The following NOX4 variants were observed in gnomAD, a reference collection of about 807,000 sequenced individuals.
The protein encoded by NOX4 is NADPH oxidase 4.
A neutral mutation model predicts 87.6 loss-of-function variants in NOX4; 69 were observed. The observed-to-expected ratio is 0.79, with a 90% CI of 0.65 to 0.96. The LOEUF (loss-of-function observed/expected upper bound fraction) is 0.96, where lower values mean the gene tolerates loss of function less well. Ranked by LOEUF, NOX4 falls within the 40% of genes least tolerant of loss-of-function variation. The pLI, the probability that NOX4 is intolerant of heterozygous loss-of-function variation, is 0.00. For synonymous variants in NOX4, 275 were observed against 238.2 expected (o/e 1.15, Z -1.42); for missense variants, 680 against 681.5 (o/e 1.00, Z 0.02).
At chr11:89,434,258 T>A (rs1182500205) in intron 6 of NOX4, among the ~76,000 whole-genome samples, 1 of 152,036 alleles carries the variant, frequency 6.6e-6, no homozygotes, top group Non-Finnish European at 1.5e-5. Flanking sequence ...GAAACAAATT[T>A]CACTTATAAA....
the NOX4 span, among the ~76,000 whole-genome samples, chr11:89,506,133 A>G: frequency 6.6e-6 from 1 of 151,780 alleles, no homozygotes; most frequent in East Asian, 1.9e-4. Context: ...ATTTGTGACA[A>G]TGTTTAATGT....
At chr11:89,542,727 G>A in the NOX4 span, among the ~76,000 whole-genome samples, 2 of 152,162 alleles carry the variant, frequency 1.3e-5, no homozygotes, top group Non-Finnish European at 2.9e-5. Context: ...CATGCAATGA[G>A]CATCGCATCC....
intron 13 of NOX4, among the ~76,000 whole-genome samples, chr11:89,352,668 A>G (rs551244090): frequency 6.6e-6 from 1 of 152,348 alleles, no homozygotes; most frequent in Admixed American, 6.5e-5. Flanking sequence ...AACTACAAAC[A>G]TAGTATAAAT....
intron 8 of NOX4, among the ~76,000 whole-genome samples, chr11:89,408,793 T>C (rs1942321634): frequency 6.6e-6 from 1 of 152,200 alleles, no homozygotes; most frequent in Non-Finnish European, 1.5e-5. Context: ...AAGACCCTGC[T>C]ATTGGTTTAC....
At chr11:89,423,532 T>C (rs144653666) in intron 7 of NOX4, among the ~76,000 whole-genome samples, 220 of 152,274 alleles carry the variant, frequency 1.4e-3, no homozygotes, top group Middle Eastern at 6.8e-3. Context: ...GTCCCTTGGT[T>C]CAATGTGTTA....
chr11:89,429,855 A>G (rs1352244524), intron 7 of NOX4, among the ~76,000 whole-genome samples: 2 of 152,156 alleles, frequency 1.3e-5, no homozygotes, highest in African/African-American at 4.8e-5. Context: ...CTCATTTTAT[A>G]AGGCCAGCAT....
At chr11:89,433,673 G>T (rs1441691757) in intron 6 of NOX4, among the ~76,000 whole-genome samples, 1 of 152,196 alleles carries the variant, frequency 6.6e-6, no homozygotes, top group South Asian at 2.1e-4. Flanking sequence ...CAATGTTGAT[G>T]TTTTAAAAAT....
intron 2 of NOX4, among the ~76,000 whole-genome samples, chr11:89,489,307 C>A (rs1946751850): frequency 6.6e-6 from 1 of 151,948 alleles, no homozygotes; most frequent in Admixed American, 6.6e-5. Context: ...GTCATTAAAC[C>A]ATGAAAAAAA....
chr11:89,538,298 T>C, the NOX4 span, among the ~76,000 whole-genome samples: 1 of 152,226 alleles, frequency 6.6e-6, no homozygotes, highest in African/African-American at 2.4e-5. Flanking sequence ...AGCAGGTTAA[T>C]CTGATAAGAG....
intron 7 of NOX4, among the ~76,000 whole-genome samples, chr11:89,426,746 C>A (rs1943441290): frequency 6.6e-6 from 1 of 152,110 alleles, no homozygotes; most frequent in Admixed American, 6.5e-5. Context: ...GGGTGGAGCC[C>A]ACCACAGCTC....
chr11:89,394,467 G>C (rs1279101142), intron 11 of NOX4, among the ~76,000 whole-genome samples: 1 of 151,858 alleles, frequency 6.6e-6, no homozygotes, highest in Non-Finnish European at 1.5e-5. Context: ...TCAAAATAAA[G>C]TTGCCAACAC....
intron 2 of NOX4, among the ~76,000 whole-genome samples, chr11:89,470,278 A>G (rs12364595): frequency 0.45 from 68,900 of 151,860 alleles, 15,778 homozygotes; most frequent in East Asian, 0.52. Flanking sequence ...ATGGCTTCCT[A>G]CAAATCTCCA....
intron 7 of NOX4, among the ~76,000 whole-genome samples, chr11:89,429,374 G>A (rs1422070001): frequency 2.6e-5 from 4 of 151,946 alleles, no homozygotes; most frequent in African/African-American, 9.7e-5. Context: ...AAGAACTGAA[G>A]GAGACAGAGA....
chr11:89,449,408 AC>A, intron 4 of NOX4, 31 bp downstream of exon 4: 1 of 1,478,100 alleles, frequency 6.8e-7, no homozygotes, highest in Non-Finnish European at 9.4e-7. Flanking sequence ...TGTAATTCTA[AC>A]AAATTATTTA....
chr11:89,494,667 T>G (rs1946928729), upstream of NOX4, among the ~76,000 whole-genome samples: 1 of 152,150 alleles, frequency 6.6e-6, no homozygotes, highest in Admixed American at 6.5e-5. Context: ...TCCAGTAATA[T>G]AAAAATAGTT....
In NOX4 at chr11:89,324,396, G is replaced by C. The variant is rs951194013; in HGVS notation, c.*2360C>G. 2.0e-5 allele frequency: 3 copies of C among 152,118 alleles called. No individual in the cohort carries two copies. Among genetic ancestry groups the C allele is most frequent in the Admixed American group, 1.3e-4 (2 of 15,270 alleles). 9.4% of individuals were successfully genotyped at this position (152,118 alleles called of 1,614,324 possible). ...TTGCTACTAAAATTAGTGATTTAAGGCTTGTATTATAAGAATGATCCCCAG... is the reference window on the plus strand; with the variant it reads ...TTGCTACTAAAATTAGTGATTTAAGCCTTGTATTATAAGAATGATCCCCAG... On this transcript the variant is annotated 3_prime_UTR_variant, in exon 18 of 18. Transcript: ENST00000263317.
At chr11:89,500,876 T>C (rs1306723643), upstream of NOX4, among the ~76,000 whole-genome samples, 8 of 152,124 alleles carry the variant, frequency 5.3e-5, no homozygotes, top group Non-Finnish European at 1.2e-4. Context: ...TAACTTATTA[T>C]AGCCTGTTAT....
At position 89,377,044 on chromosome 11, in the gene NOX4, T is replaced by C. The variant is rs1347102234; in HGVS notation, c.1075-3552A>G. The stretch of plus-strand genomic sequence containing the variant: ...CTGCAGTCCAGCCTGGGCGACACAG[T>C]GAGATTCTGTCTCAAAATAAATAAA... On this transcript the variant is annotated intron_variant, in intron 11 of 17. Transcript: ENST00000263317. Among the ~76,000 whole-genome samples the C allele has an allele frequency of 3.3e-5, 5 of 152,230 alleles. No homozygotes were observed. The East Asian group carries it at 7.7e-4, about 24-fold the overall frequency.
chr11:89,514,496 A>G, the NOX4 span, among the ~76,000 whole-genome samples: 1 of 151,950 alleles, frequency 6.6e-6, no homozygotes, highest in African/African-American at 2.4e-5. Flanking sequence ...TTTTTATTTT[A>G]TCTTCATAAC....
Sources: gnomAD v4.1 joint callset for allele counts (sites outside exome capture counted in the v4.1 genomes callset) on GRCh38, gnomAD v4.1.1 for gene constraint, MANE v1.5 for transcripts, NCBI Gene and HGNC (gene_info 2026-07-23, HGNC 2026-07-21) for gene names.